Variants in THRB observed in about 807,000 individuals in gnomAD.
THRB encodes the protein nuclear receptor subfamily 1 group A member 2.
A neutral mutation model predicts 47.8 loss-of-function variants in THRB; 12 were observed. The observed-to-expected ratio is 0.25, with a 90% confidence interval of 0.16 to 0.41. THRB has a LOEUF of 0.41. Among genes scored for constraint, THRB ranks in the 10% least tolerant of loss-of-function variants. The probability of loss-of-function intolerance (pLI) is 1.00; values close to 1 mark genes in which losing one functional copy is unlikely to be tolerated. For synonymous variants in THRB, 218 were observed against 212.2 expected (o/e 1.03, Z -0.24); for missense variants, 348 against 589.2 (o/e 0.59, Z 4.24).
chr3:24,391,145 G>T (rs2066538875), intron 1 of THRB, among the ~76,000 whole-genome samples: 1 of 152,126 alleles, frequency 6.6e-6, no homozygotes, highest in South Asian at 2.1e-4. Flanking sequence ...CAATATGGCT[G>T]CTCAGGGATG....
chr3:24,203,721 G>A lies in THRB; in HGVS notation c.23-13387C>T, dbSNP rs543352215. ...AGCAGGGCAAGGCATCACCTCACCC[G>A]GGAAGCACAGGGGGTCAGGGAATTC... On this transcript the variant is annotated intron_variant, in intron 4 of 10. Transcript: ENST00000646209. Among the ~76,000 whole-genome samples the A allele has an allele frequency of 1.6e-4, 25 of 152,314 alleles. No individual in the cohort carries two copies. In the South Asian group the frequency reaches 2.9e-3, roughly 18 times the overall value.
intron 2 of THRB, among the ~76,000 whole-genome samples, chr3:24,330,149 CA>C (rs373239958): frequency 0.12 from 17,928 of 151,088 alleles, 1,146 homozygotes; most frequent in East Asian, 0.28. Flanking sequence ...ACTAAAAATA[CA>C]AAAAAAATTA....
chr3:24,489,728 T>C (rs1456516855), intron 1 of THRB, among the ~76,000 whole-genome samples: 2 of 152,170 alleles, frequency 1.3e-5, no homozygotes, highest in Non-Finnish European at 2.9e-5. Context: ...AACATTAGCA[T>C]TGAGCATAGA....
At chr3:24,372,156 T>C (rs991800299) in intron 1 of THRB, among the ~76,000 whole-genome samples, 1 of 151,936 alleles carries the variant, frequency 6.6e-6, no homozygotes, top group African/African-American at 2.4e-5. Flanking sequence ...TATTTAGGAG[T>C]AGGAGTACTG....
At chr3:24,148,521 C>A (rs2036450754) in intron 6 of THRB, among the ~76,000 whole-genome samples, 1 of 152,196 alleles carries the variant, frequency 6.6e-6, no homozygotes, top group Admixed American at 6.5e-5. Context: ...CTCCGCCTCC[C>A]AAAGTGCTGG....
chr3:24,485,416 A>G (rs903590639), intron 1 of THRB, among the ~76,000 whole-genome samples: 1 of 152,244 alleles, frequency 6.6e-6, no homozygotes, highest in Non-Finnish European at 1.5e-5. Flanking sequence ...AAGACATCAC[A>G]GCAATGTATA....
At chr3:24,294,269 G>A (rs889950864) in intron 3 of THRB, among the ~76,000 whole-genome samples, 1 of 152,208 alleles carries the variant, frequency 6.6e-6, no homozygotes, top group Non-Finnish European at 1.5e-5. Context: ...AGGACATCCT[G>A]GATGTTGTAG....
intron 1 of THRB, among the ~76,000 whole-genome samples, chr3:24,437,919 C>T (rs188760598): frequency 6.6e-6 from 1 of 151,580 alleles, no homozygotes; most frequent in East Asian, 2.0e-4. Context: ...GTTTATGTCT[C>T]AGCTCTCCTA....
rs536460882 is a variant in THRB, at chr3:24,121,411, C to T, written c.*1473G>A. 2 of 152,648 alleles carry T rather than the reference C, an allele frequency of 1.3e-5. No homozygotes were observed. The highest frequency in any genetic ancestry group is 1.3e-4 in the Admixed American group (2 of 15,290). The allele number at this position is 152,648 out of a possible 1,614,324, so 9.5% of individuals were successfully genotyped here. On this transcript the variant is annotated 3_prime_UTR_variant, in exon 11 of 11. Coordinates refer to ENST00000646209, the MANE Select transcript of THRB (RefSeq NM_001354712.2). ...TTTCCCCAATATTTCCAGGATAAGGCAGTAAAAGGTAGGCAAAGGAATAGT... is the reference window on the plus strand; with the variant it reads ...TTTCCCCAATATTTCCAGGATAAGGTAGTAAAAGGTAGGCAAAGGAATAGT...
chr3:24,291,099 G>A lies in THRB; in HGVS notation c.-43+6127C>T, dbSNP rs372141552. The stretch of plus-strand genomic sequence containing the variant: ...TTTCCACACCTTACCACCTGAGAGC[G>A]TTACCCAAAAGAGAGATCCACAAAA... On this transcript the variant is annotated intron_variant, in intron 3 of 10. Coordinates refer to ENST00000646209, the MANE Select transcript of THRB (RefSeq NM_001354712.2). Among the ~76,000 whole-genome samples the A allele has an allele frequency of 3.3e-5, 5 of 152,118 alleles. No individual in the cohort carries two copies. In the East Asian group the frequency reaches 7.7e-4, roughly 24 times the overall value.
intron 5 of THRB, 119 bp downstream of exon 5, chr3:24,189,955 G>C: frequency 1.0e-6 from 1 of 970,236 alleles, no homozygotes; most frequent in Non-Finnish European, 1.6e-6. Context: ...AAGAACAGTT[G>C]GAGAAAACAT....
chr3:24,301,809 G>T (rs575111903), intron 2 of THRB, among the ~76,000 whole-genome samples: 1 of 152,340 alleles, frequency 6.6e-6, no homozygotes, highest in African/African-American at 2.4e-5. Flanking sequence ...TATTATTCTG[G>T]ATTATCCAGG....
intron 10 of THRB, among the ~76,000 whole-genome samples, 191 bp from the exon 11 acceptor site, chr3:24,123,316 A>G (rs2032051224): frequency 6.6e-6 from 1 of 152,202 alleles, no homozygotes; most frequent in Non-Finnish European, 1.5e-5. Context: ...TTATATGAAG[A>G]GAGGCAGTAC....
intron 1 of THRB, among the ~76,000 whole-genome samples, chr3:24,412,883 A>G (rs952901618): frequency 1.3e-5 from 2 of 151,872 alleles, no homozygotes; most frequent in African/African-American, 4.8e-5. Context: ...TTAAAAATGA[A>G]TAATATTCCA....
chr3:24,133,250 C>G (rs1575305602), intron 9 of THRB, 66 bp downstream of exon 9: 2 of 1,541,340 alleles, frequency 1.3e-6, no homozygotes, highest in South Asian at 1.1e-5. Context: ...AAATAATACC[C>G]AGTATTCCTG....
intron 4 of THRB, among the ~76,000 whole-genome samples, chr3:24,210,010 C>T (rs893638688): frequency 6.6e-6 from 1 of 152,128 alleles, no homozygotes; most frequent in Non-Finnish European, 1.5e-5. Flanking sequence ...GTGGAGAGAA[C>T]AGAATTAACA....
At chr3:24,373,906 A>G (rs946669469) in intron 1 of THRB, among the ~76,000 whole-genome samples, 5 of 151,978 alleles carry the variant, frequency 3.3e-5, no homozygotes, top group African/African-American at 1.2e-4. Flanking sequence ...GCTATCACCA[A>G]TCCAGCCATT....
intron 4 of THRB, among the ~76,000 whole-genome samples, chr3:24,209,690 G>T (rs539339329): frequency 3.3e-5 from 5 of 152,172 alleles, no homozygotes; most frequent in Admixed American, 3.3e-4. Context: ...TGGGCGGAGC[G>T]GGGAGGGATA....
intron 3 of THRB, among the ~76,000 whole-genome samples, chr3:24,265,825 T>C (rs1403134682): frequency 6.6e-6 from 1 of 152,160 alleles, no homozygotes; most frequent in Non-Finnish European, 1.5e-5. Flanking sequence ...TACATACTCA[T>C]AGGGTACTGT....
Sources: allele counts gnomAD v4.1 joint callset (sites outside exome capture counted in the v4.1 genomes callset), GRCh38; gene constraint gnomAD v4.1.1; transcripts MANE v1.5; gene names NCBI Gene and HGNC (gene_info 2026-07-23, HGNC 2026-07-21).